The following TULP4 variants were observed in gnomAD, a reference collection of about 807,000 sequenced individuals.
TULP4 encodes tubby-related protein 4.
A neutral mutation model predicts 129.0 loss-of-function variants in TULP4; 16 were observed. The observed-to-expected ratio is 0.12, with a 90% CI of 0.08 to 0.19. The LOEUF is 0.19. TULP4 is among the 10% of genes least tolerant of loss of function. The pLI, the probability that TULP4 is intolerant of heterozygous loss-of-function variation, is 1.00. For synonymous variants in TULP4, 998 were observed against 854.0 expected (o/e 1.17, Z -2.94); for missense variants, 1,842 against 2,059.1 (o/e 0.89, Z 2.04).
intron 1 of TULP4, among the ~76,000 whole-genome samples, chr6:158,288,340 G>T (rs1778864894): frequency 1.3e-5 from 2 of 152,018 alleles, no homozygotes. Context: ...TGGTAGTAGG[G>T]TTCTCATCTT....
At chr6:158,383,701 G>A (rs184133749) in intron 1 of TULP4, among the ~76,000 whole-genome samples, 3 of 152,346 alleles carry the variant, frequency 2.0e-5, no homozygotes, top group East Asian at 3.9e-4. Flanking sequence ...TGAAGGCTGA[G>A]CCTGGCTAAA....
chr6:158,347,374 C>T (rs1046394207), intron 1 of TULP4, among the ~76,000 whole-genome samples: 1 of 152,174 alleles, frequency 6.6e-6, no homozygotes, highest in Non-Finnish European at 1.5e-5. Context: ...CAATCACTTC[C>T]TACCATTCTA....
At chr6:158,457,168 C>T (rs1779310939) in intron 5 of TULP4, among the ~76,000 whole-genome samples, 1 of 152,206 alleles carries the variant, frequency 6.6e-6, no homozygotes, top group Non-Finnish European at 1.5e-5. Context: ...TTAAAAAGGT[C>T]TCCGATCCAC....
chr6:158,479,770 G>C lies in TULP4; in HGVS notation c.1046G>C (p.Cys349Ser). 1.2e-6 allele frequency: 2 copies of C among 1,613,796 alleles called. No homozygotes were observed. The highest frequency in any genetic ancestry group is 1.7e-6 in the Non-Finnish European group (2 of 1,179,822). Reference sequence around the variant, plus strand: ...TGCCAGCGCCCCATCATCTCCATCTGCTGGGGTCACCGGGATTCGAGGCTG... The same window carrying C: ...TGCCAGCGCCCCATCATCTCCATCTCCTGGGGTCACCGGGATTCGAGGCTG... ...TLVQRPIISI[C>S]WGHRDSRLLM... is the part of the protein sequence containing the mutation. Residue 349 changes from cysteine to serine, a missense_variant, in exon 7 of 14, where the codon TGC (cysteine) becomes TCC (serine). Coordinates refer to ENST00000367097, the MANE Select transcript of TULP4 (RefSeq NM_020245.5).
intron 1 of TULP4, among the ~76,000 whole-genome samples, chr6:158,251,730 C>T (rs560468873): frequency 6.6e-6 from 1 of 152,314 alleles, no homozygotes; most frequent in African/African-American, 2.4e-5. Context: ...TTCCACTTCC[C>T]TCTTCTGGTG....
chr6:158,352,481 C>A (rs902667034), intron 1 of TULP4, among the ~76,000 whole-genome samples: 8 of 152,192 alleles, frequency 5.3e-5, no homozygotes, highest in African/African-American at 1.9e-4. Flanking sequence ...ACTGCAAACT[C>A]CACCTCCCGG....
chr6:158,279,760 T>G (rs2128465834), upstream of TULP4, among the ~76,000 whole-genome samples: 1 of 152,178 alleles, frequency 6.6e-6, no homozygotes, highest in South Asian at 2.1e-4. Context: ...TCCTCTTCAC[T>G]CTTAGTGAGA....
At chr6:158,394,607 C>A (rs559373652) in intron 1 of TULP4, among the ~76,000 whole-genome samples, 1 of 151,490 alleles carries the variant, frequency 6.6e-6, no homozygotes, top group East Asian at 1.9e-4. Context: ...CATGGTGAAA[C>A]CCTGTCTCTA....
At chr6:158,314,617 T>C (rs1779446645) in intron 1 of TULP4, among the ~76,000 whole-genome samples, 1 of 152,122 alleles carries the variant, frequency 6.6e-6, no homozygotes, top group Admixed American at 6.5e-5. Context: ...TAACCAACTT[T>C]TCGTGCTCCA....
At chr6:158,380,894 CAAAAAAA>C (rs1227720723) in intron 1 of TULP4, among the ~76,000 whole-genome samples, 3 of 72,262 alleles carry the variant, frequency 4.2e-5, no homozygotes, top group South Asian at 5.7e-4. Context: ...ACTCTGTCTC[CAAAAAAA>C]AAAAAAAAAA....
intron 1 of TULP4, among the ~76,000 whole-genome samples, chr6:158,254,889 T>C (rs1778216480): frequency 6.6e-6 from 1 of 152,132 alleles, no homozygotes; most frequent in Non-Finnish European, 1.5e-5. Flanking sequence ...CTGGCCAACA[T>C]GGCGAAACCC....
chr6:158,239,084 G>C (rs1269638527), intron 1 of TULP4, among the ~76,000 whole-genome samples: 1 of 103,524 alleles, frequency 9.7e-6, no homozygotes, highest in Non-Finnish European at 2.4e-5. Context: ...CTCCCGGACG[G>C]GGCGGCTGGC....
chr6:158,432,339 A>T (rs1284888441), intron 3 of TULP4, among the ~76,000 whole-genome samples: 1 of 152,064 alleles, frequency 6.6e-6, no homozygotes, highest in South Asian at 2.1e-4. Flanking sequence ...GATGTCTGTA[A>T]TGTCAGGAGT....
chr6:158,467,235 C>T (rs1348532726), intron 6 of TULP4, among the ~76,000 whole-genome samples: 8 of 151,760 alleles, frequency 5.3e-5, no homozygotes, highest in Admixed American at 5.2e-4. Flanking sequence ...GTCCAAGCCA[C>T]CCTCATCTTA....
intron 3 of TULP4, among the ~76,000 whole-genome samples, chr6:158,438,480 G>A (rs894444159): frequency 6.6e-6 from 1 of 152,210 alleles, no homozygotes; most frequent in African/African-American, 2.4e-5. Context: ...GGCTTCCTTT[G>A]TCGGCATAGT....
chr6:158,352,970 A>C (rs1026084183), intron 1 of TULP4, among the ~76,000 whole-genome samples: 1 of 152,160 alleles, frequency 6.6e-6, no homozygotes, highest in African/African-American at 2.4e-5. Flanking sequence ...ATTTGTGTCT[A>C]CTTAATTTTT....
At position 158,503,376 on chromosome 6, in the gene TULP4, G is replaced by T. The variant is rs764585766; in HGVS notation, c.3713G>T (p.Cys1238Phe). The T allele has an allele frequency of 1.2e-6, 2 of 1,613,728 alleles. No individual in the cohort carries two copies. The highest frequency in any genetic ancestry group is 2.2e-5 in the East Asian group (1 of 44,864). The change falls in exon 13 of 14, where the codon TGC becomes TTC. Residue 1238 changes from cysteine to phenylalanine, a missense_variant. Transcript: ENST00000367097. This position sits in a 1 kb window ranked among gnomAD's most constrained non-coding sequence, Gnocchi z 4.3. The part of the protein sequence containing the change: ...QPLYPPSLSY[C>F]TLPPMYPGSS... ...CTGTACCCACCCAGCCTCTCCTATT[G>T]CACCCTGCCCCCCATGTACCCAGGA...
intron 1 of TULP4, among the ~76,000 whole-genome samples, chr6:158,411,777 G>A (rs1166500987): frequency 6.6e-6 from 1 of 152,134 alleles, no homozygotes. Flanking sequence ...CCATGGCATC[G>A]CTTTGAGAAG....
chr6:158,511,785 G>C lies in TULP4; in HGVS notation c.*5091G>C, dbSNP rs6880. On this transcript the variant is annotated 3_prime_UTR_variant, in exon 14 of 14. Coordinates refer to ENST00000367097, the MANE Select transcript of TULP4 (RefSeq NM_020245.5). The stretch of plus-strand genomic sequence containing the variant: ...TTTTCTTGATGATTTGAAGTTGTAA[G>C]AGTTGTCCAGCTATTGCTTAATAAA... 82,112 of 152,094 alleles carry C rather than the reference G, an allele frequency of 0.54. 22,931 individuals carry two copies. The highest frequency in any genetic ancestry group is 0.68 in the African/African-American group (28,043 of 41,506). 9.4% of individuals were successfully genotyped at this position (152,094 alleles called of 1,614,324 possible).
Sources: allele counts gnomAD v4.1 joint callset (sites outside exome capture counted in the v4.1 genomes callset), GRCh38; gene constraint gnomAD v4.1.1; non-coding constraint Gnocchi (gnomAD v3.1); transcripts MANE v1.5; gene names NCBI Gene and HGNC (gene_info 2026-07-23, HGNC 2026-07-21).